Variants in TBCK observed in about 807,000 individuals in gnomAD.
TBCK encodes the protein TBC domain-containing protein kinase-like protein.
TBCK carries 99 observed loss-of-function variants against 113.4 expected under a neutral mutation model. The ratio of observed to expected loss-of-function variants is 0.87; its 90% CI spans 0.74 to 1.03. The LOEUF is 1.03. Among genes scored for constraint, TBCK ranks in the 50% least tolerant of loss-of-function variants. TBCK has a pLI of 0.00. For synonymous variants in TBCK, 369 were observed against 370.8 expected, an observed-to-expected ratio of 1.00 and a Z score of 0.05; for missense variants, 1,045 against 1,061.3, an observed-to-expected ratio of 0.98 and a Z score of 0.21.
At chr4:106,156,528 T>C (rs544865446) in intron 23 of TBCK, among the ~76,000 whole-genome samples, 1 of 152,234 alleles carries the variant, frequency 6.6e-6, no homozygotes, top group South Asian at 2.1e-4. Context: ...TCAAAAACCT[T>C]AGAAGTGTGC....
At chr4:106,061,688 A>G (rs73836960) in intron 25 of TBCK, among the ~76,000 whole-genome samples, 463 of 146,750 alleles carry the variant, frequency 3.2e-3, no homozygotes, top group African/African-American at 8.7e-3. Context: ...GTGTGTGTGT[A>G]TATGCCCGAT....
intron 24 of TBCK, among the ~76,000 whole-genome samples, chr4:106,101,812 C>G (rs1741591569): frequency 6.6e-6 from 1 of 152,128 alleles, no homozygotes; most frequent in South Asian, 2.1e-4. Flanking sequence ...TAAGACCTCT[C>G]TTAATATGAA....
chr4:106,120,969 T>C (rs2149585651), intron 23 of TBCK, among the ~76,000 whole-genome samples: 1 of 152,218 alleles, frequency 6.6e-6, no homozygotes, highest in Admixed American at 6.5e-5. Context: ...GGATGGAGAA[T>C]GACTTTGACA....
intron 25 of TBCK, among the ~76,000 whole-genome samples, chr4:106,085,669 T>C (rs1472090310): frequency 6.6e-6 from 1 of 152,218 alleles, no homozygotes; most frequent in African/African-American, 2.4e-5. Flanking sequence ...CAGTGCCACA[T>C]GGCACTTATT....
In TBCK at chr4:106,046,510, A is replaced by G; in HGVS notation, c.*60T>C. ...TTTGTCTGAGAGTGGCGTGGATATGAAGAACTGTGCTGTTGGTGCTGATGC... is the reference window on the plus strand; with the variant it reads ...TTTGTCTGAGAGTGGCGTGGATATGGAGAACTGTGCTGTTGGTGCTGATGC... On this transcript the variant is annotated 3_prime_UTR_variant, in exon 26 of 26. Transcript: ENST00000394708. 1 of 889,952 alleles carries G rather than the reference A, an allele frequency of 1.1e-6. No homozygotes were observed. Among genetic ancestry groups the G allele is most frequent in the Non-Finnish European group, 1.9e-6 (1 of 538,134 alleles). The allele number at this position is 889,952 out of a possible 1,614,324, so 55.1% of individuals were successfully genotyped here.
chr4:106,178,799 A>AT lies in TBCK; in HGVS notation c.2060-7530dup, dbSNP rs200028002. Reference sequence around the variant, plus strand: ...AGTTTGAAAGTATCCTCTCCTCTTCATTTTTTTTTTAAGAATTTGAGAGAA... The same window carrying AT: ...AGTTTGAAAGTATCCTCTCCTCTTCATTTTTTTTTTTAAGAATTTGAGAGAA... On this transcript the variant is annotated intron_variant, in intron 22 of 25. Coordinates refer to ENST00000394708, the MANE Select transcript of TBCK (RefSeq NM_001163435.3). 8.5e-4 allele frequency among the ~76,000 whole-genome samples: 126 copies of AT among 147,726 alleles called. 2 individuals carry two copies. The East Asian group carries it at 0.014, about 16-fold the overall frequency.
At chr4:106,153,564 T>C (rs548681749) in intron 23 of TBCK, among the ~76,000 whole-genome samples, 1 of 152,252 alleles carries the variant, frequency 6.6e-6, no homozygotes, top group Admixed American at 6.5e-5. Flanking sequence ...GAATGAAATG[T>C]TCTGTAAATT....
At chr4:106,202,229 A>G (rs904317585) in intron 20 of TBCK, among the ~76,000 whole-genome samples, 1 of 151,908 alleles carries the variant, frequency 6.6e-6, no homozygotes, top group African/African-American at 2.4e-5. Flanking sequence ...TAAAAAGAAT[A>G]GACTCCTAGG....
intron 20 of TBCK, among the ~76,000 whole-genome samples, chr4:106,198,873 G>T (rs1754558364): frequency 6.6e-6 from 1 of 152,100 alleles, no homozygotes; most frequent in Non-Finnish European, 1.5e-5. Context: ...GACAATACAA[G>T]TTCTGGTATA....
At chr4:106,285,709 C>G (rs1016005340) in intron 3 of TBCK, among the ~76,000 whole-genome samples, 1 of 152,128 alleles carries the variant, frequency 6.6e-6, no homozygotes, top group Non-Finnish European at 1.5e-5. Context: ...GGTTTTGCAA[C>G]AGTTATAGAC....
intron 24 of TBCK, among the ~76,000 whole-genome samples, chr4:106,115,691 C>T (rs1408166155): frequency 2.0e-5 from 3 of 152,114 alleles, no homozygotes; most frequent in Non-Finnish European, 4.4e-5. Flanking sequence ...ACTCTAATGC[C>T]AATCAAACCC....
At chr4:106,089,423 C>G (rs1197683453) in intron 25 of TBCK, among the ~76,000 whole-genome samples, 6 of 152,166 alleles carry the variant, frequency 3.9e-5, no homozygotes, top group African/African-American at 1.4e-4. Flanking sequence ...GGACAAACAT[C>G]CAAACCACAT....
In TBCK at chr4:106,249,002, TA is replaced by T; in HGVS notation, c.659-21del. 1 of 1,539,564 alleles carries T rather than the reference TA, an allele frequency of 6.5e-7. No homozygotes were observed. The highest frequency in any genetic ancestry group is 2.0e-5 in the Admixed American group (1 of 50,070). On this transcript the variant is annotated intron_variant, in intron 7 of 25. Coordinates refer to ENST00000394708, the MANE Select transcript of TBCK (RefSeq NM_001163435.3). ...CACAATCTATAAAACAGAAAAACTATATGAATAAATGCTATTTTTCTAATCT... is the reference window on the plus strand; with the variant it reads ...CACAATCTATAAAACAGAAAAACTATTGAATAAATGCTATTTTTCTAATCT...
At chr4:106,085,281 C>T (rs577361595) in intron 25 of TBCK, among the ~76,000 whole-genome samples, 1 of 150,894 alleles carries the variant, frequency 6.6e-6, no homozygotes, top group Non-Finnish European at 1.5e-5. Context: ...AAAAACAAAA[C>T]AAAACAAAAC....
At chr4:106,146,586 A>T (rs1378684369) in intron 23 of TBCK, among the ~76,000 whole-genome samples, 4 of 152,194 alleles carry the variant, frequency 2.6e-5, no homozygotes, top group Non-Finnish European at 4.4e-5. Flanking sequence ...CCCCAAACCT[A>T]AAATAATAGT....
intron 15 of TBCK, among the ~76,000 whole-genome samples, chr4:106,234,571 G>A (rs1472671806): frequency 6.6e-6 from 1 of 152,060 alleles, no homozygotes; most frequent in East Asian, 1.9e-4. Context: ...AGCTTTCCAA[G>A]AAGCTGGGAC....
At chr4:106,135,409 T>G (rs912645768) in intron 23 of TBCK, among the ~76,000 whole-genome samples, 1 of 146,122 alleles carries the variant, frequency 6.8e-6, no homozygotes, top group African/African-American at 2.5e-5. Flanking sequence ...GATTCAAATT[T>G]GGTCAGTCTG....
At chr4:106,219,276 C>G (rs375069266) in intron 19 of TBCK, among the ~76,000 whole-genome samples, 1 of 150,064 alleles carries the variant, frequency 6.7e-6, no homozygotes, top group African/African-American at 2.5e-5. Context: ...TGCTAGATGA[C>G]GAGTTAGTGG....
At chr4:106,103,226 T>C (rs1741750765) in intron 24 of TBCK, among the ~76,000 whole-genome samples, 1 of 152,232 alleles carries the variant, frequency 6.6e-6, no homozygotes, top group Admixed American at 6.5e-5. Context: ...TTTTCCTCGA[T>C]TCTGTGGCTA....
Sources: gnomAD v4.1 joint callset for allele counts (sites outside exome capture counted in the v4.1 genomes callset) on GRCh38, gnomAD v4.1.1 for gene constraint, MANE v1.5 for transcripts, NCBI Gene and HGNC (gene_info 2026-07-23, HGNC 2026-07-21) for gene names.